CEMIP: variants seen among roughly 807,000 people sequenced by gnomAD.
CEMIP encodes the protein cell migration inducing hyaluronidase 1.
CEMIP carries 105 observed loss-of-function variants against 156.9 expected under a neutral mutation model. The observed-to-expected ratio is 0.67, with a 90% CI of 0.57 to 0.79. The LOEUF is 0.79. Among genes scored for constraint, CEMIP ranks in the 30% least tolerant of loss-of-function variants. CEMIP has a pLI of 0.00. For synonymous variants in CEMIP, 676 were observed against 668.4 expected (o/e 1.01, Z -0.17); for missense variants, 1,457 against 1,769.4 (o/e 0.82, Z 3.17).
intron 1 of CEMIP, among the ~76,000 whole-genome samples, chr15:80,788,178 A>T (rs1240245156): frequency 3.3e-5 from 5 of 152,110 alleles, no homozygotes; most frequent in East Asian, 3.9e-4. Context: ...ATTAAAATAA[A>T]TTTTTTTTAA....
rs111647260 is a variant in CEMIP at position 80,928,479 on chromosome 15, G to GA, written c.2421-413dup. Among the ~76,000 whole-genome samples the GA allele has an allele frequency of 3.6e-3, 543 of 148,962 alleles. 1 individual carries two copies. Among genetic ancestry groups the GA allele is most frequent in the African/African-American group, 0.012 (501 of 40,688 alleles). ...TGAAACAGCAGTGAAGATGGTAAAA[G>GA]AAAAAAAAAATAGAAGTGCATTCAC... On this transcript the variant is annotated intron_variant, in intron 19 of 29. Coordinates refer to ENST00000394685, the MANE Select transcript of CEMIP (RefSeq NM_001293298.2).
intron 1 of CEMIP, among the ~76,000 whole-genome samples, chr15:80,848,416 T>A (rs753913791): frequency 1.4e-4 from 21 of 152,178 alleles, no homozygotes; most frequent in Non-Finnish European, 2.4e-4. Context: ...ACTCAACACC[T>A]TGTAATACAT....
At chr15:80,786,556 C>CTG (rs3048927) in intron 1 of CEMIP, among the ~76,000 whole-genome samples, 5,982 of 140,636 alleles carry the variant, frequency 0.043, 142 homozygotes, top group Middle Eastern at 0.094. Context: ...GGATGTCTTG[C>CTG]TGTGTGTGTG....
chr15:80,900,801 T>C, intron 12 of CEMIP: 9 of 360,376 alleles, frequency 2.5e-5, no homozygotes, highest in South Asian at 1.9e-4. Context: ...CACCTGCTTC[T>C]CCCTTTTCTG....
chr15:80,900,015 C>T (rs963305501), intron 12 of CEMIP, among the ~76,000 whole-genome samples: 6 of 152,080 alleles, frequency 3.9e-5, no homozygotes, highest in African/African-American at 1.4e-4. Flanking sequence ...ACCGTGAGCC[C>T]TTGCCTGCAT....
At chr15:80,804,588 G>A (rs773606432) in intron 1 of CEMIP, among the ~76,000 whole-genome samples, 29 of 152,324 alleles carry the variant, frequency 1.9e-4, no homozygotes, top group Non-Finnish European at 3.1e-4. Context: ...AGGATGCCAG[G>A]TGCCTCACCT....
rs1280479635 is a variant in CEMIP at position 80,906,437 on chromosome 15, T to C, written c.1412-226T>C. On this transcript the variant is annotated intron_variant, in intron 12 of 29. Transcript: ENST00000394685. This position sits in a 1 kb window ranked among gnomAD's most constrained non-coding sequence, Gnocchi z 4.3. Reference sequence around the variant, plus strand: ...AAATATTAGGGGACAATTAGCCATTTCTGCCAAAGGCTTCAGACCTAAGCC... The same window carrying C: ...AAATATTAGGGGACAATTAGCCATTCCTGCCAAAGGCTTCAGACCTAAGCC... Among the ~76,000 whole-genome samples, 2 of 152,226 alleles carry C rather than the reference T, an allele frequency of 1.3e-5. No homozygotes were observed. The highest frequency in any genetic ancestry group is 3.8e-4 in the East Asian group (2 of 5,198).
chr15:80,900,650 CTGTGTGTGTGTCTGTGTGTGTG>C (rs1899479614), intron 12 of CEMIP, among the ~76,000 whole-genome samples: 1 of 84,578 alleles, frequency 1.2e-5, no homozygotes, highest in Non-Finnish European at 2.5e-5. Flanking sequence ...GTGTGTGTGT[CTGTGTGTGTGTCTGTGTGTGTG>C]TGTGTATTTT....
chr15:80,842,934 G>A (rs1468293419), intron 1 of CEMIP, among the ~76,000 whole-genome samples: 1 of 152,176 alleles, frequency 6.6e-6, no homozygotes, highest in Non-Finnish European at 1.5e-5. Context: ...GAGCCAAGAG[G>A]AACTCCTCAT....
At chr15:80,838,698 A>G (rs1897319665) in intron 1 of CEMIP, among the ~76,000 whole-genome samples, 1 of 152,110 alleles carries the variant, frequency 6.6e-6, no homozygotes, top group Admixed American at 6.5e-5. Flanking sequence ...CCAATGCCCT[A>G]TACTCAGTGG....
chr15:80,815,015 G>C (rs1017079291), intron 1 of CEMIP, among the ~76,000 whole-genome samples: 1 of 152,198 alleles, frequency 6.6e-6, no homozygotes, highest in Non-Finnish European at 1.5e-5. Context: ...CAGGTGGAGA[G>C]TGTCCCTACT....
rs376600847 is a variant in CEMIP at position 80,873,896 on chromosome 15, G to A, written c.17G>A (p.Arg6Lys). 9 of 1,579,598 alleles carry A rather than the reference G, an allele frequency of 5.7e-6. No homozygotes were observed. In the African/African-American group the frequency reaches 1.1e-4, roughly 19 times the overall value. ...ACTGCCAGGATGGGAGCTGCTGGGA[G>A]GCAGGACTTCCTCTTCAAGGCCATG... MGAAG[R>K]QDFLFKAMLT... The change falls in exon 3 of 30, where the codon AGG becomes AAG. Residue 6 changes from arginine (R) to lysine (K), a missense_variant. Arg to Lys is a conservative substitution (Grantham distance 26). Around this residue, in one of 5 missense-constraint regions of CEMIP, gnomAD observed 309 missense variants for 340.8 expected, o/e 0.91. Transcript: ENST00000394685.
At chr15:80,896,267 G>A (rs749935718) in intron 12 of CEMIP, 1 of 694,300 alleles carries the variant, frequency 1.4e-6, no homozygotes, top group South Asian at 1.5e-5. Context: ...TCTAGACTGA[G>A]CCTGACTCCA....
intron 12 of CEMIP, among the ~76,000 whole-genome samples, chr15:80,900,610 G>GTCTGTGTGTGTGTC (rs2141872839): frequency 7.1e-6 from 1 of 141,554 alleles, no homozygotes; most frequent in Non-Finnish European, 1.5e-5. Flanking sequence ...GTGTGTGTGT[G>GTCTGTGTGTGTGTC]TGTGTGTGTG....
chr15:80,833,662 C>CT (rs1211563507), intron 1 of CEMIP, among the ~76,000 whole-genome samples: 44 of 142,388 alleles, frequency 3.1e-4, no homozygotes, highest in African/African-American at 7.5e-4. Flanking sequence ...GCAGTACTGT[C>CT]TTTTTTTTTT....
chr15:80,905,657 G>A (rs1899769827), intron 12 of CEMIP, among the ~76,000 whole-genome samples: 1 of 152,192 alleles, frequency 6.6e-6, no homozygotes, highest in South Asian at 2.1e-4. Context: ...ACTAGGAGGG[G>A]TAGCAGAACT....
At position 80,942,055 on chromosome 15, in the gene CEMIP, T is replaced by G. The variant is rs1254038001; in HGVS notation, c.3612+2T>G. The G allele has an allele frequency of 6.2e-7, 1 of 1,612,594 alleles. No individual in the cohort carries two copies. Among genetic ancestry groups the G allele is most frequent in the South Asian group, 1.1e-5 (1 of 90,912 alleles). On this transcript the variant is annotated splice_donor_variant, in intron 26 of 29. Coordinates refer to ENST00000394685, the MANE Select transcript of CEMIP (RefSeq NM_001293298.2). LOFTEE classifies it high-confidence loss of function. ...AAGAAGCTCTTTGGTTCTCAGCTGG[T>G]GAGTGGCTGAGAGCAAAGCCTAGAC... is the stretch of plus-strand genomic sequence containing the variant.
chr15:80,786,800 G>A (rs1596087027), intron 1 of CEMIP, among the ~76,000 whole-genome samples: 1 of 152,026 alleles, frequency 6.6e-6, no homozygotes, highest in East Asian at 1.9e-4. Context: ...GCAAAAATGG[G>A]CTTCTTATTT....
rs150015629 is a variant in CEMIP, at chr15:80,923,053, G to A, written c.2202+916G>A. On this transcript the variant is annotated intron_variant, in intron 17 of 29. Coordinates refer to ENST00000394685, the MANE Select transcript of CEMIP (RefSeq NM_001293298.2). ...AAAGATTTTTAAAAGCCCAACCAGA[G>A]AGAAGACCAAAAGGAAGAGATGCAG... Among the ~76,000 whole-genome samples the A allele has an allele frequency of 2.8e-3, 426 of 152,298 alleles. 1 individual carries two copies. The highest frequency in any genetic ancestry group is 9.9e-3 in the African/African-American group (412 of 41,546).
Sources: gnomAD v4.1 joint callset for allele counts (sites outside exome capture counted in the v4.1 genomes callset) on GRCh38, gnomAD v4.1.1 for gene constraint, gnomAD v4.1.1 regional missense constraint, Gnocchi (gnomAD v3.1) non-coding constraint, MANE v1.5 for transcripts, NCBI Gene and HGNC (gene_info 2026-07-23, HGNC 2026-07-21) for gene names.